The following KLF12 variants were observed in gnomAD, a reference collection of about 807,000 sequenced individuals.
The protein encoded by KLF12 is KLF transcription factor 12, also known as Krueppel-like factor 12.
KLF12 carries 9 observed loss-of-function variants against 37.8 expected under a neutral mutation model. The ratio of observed to expected loss-of-function variants is 0.24; its 90% CI spans 0.14 to 0.42. The LOEUF (loss-of-function observed/expected upper bound fraction) is 0.42, where lower values mean the gene tolerates loss of function less well. KLF12 is among the 10% of genes least tolerant of loss of function. The pLI, the probability that KLF12 is intolerant of heterozygous loss-of-function variation, is 1.00. For synonymous variants in KLF12, 208 were observed against 202.1 expected (o/e 1.03, Z -0.25); for missense variants, 411 against 516.0 (o/e 0.80, Z 1.97).
upstream of KLF12, among the ~76,000 whole-genome samples, chr13:74,136,427 G>A (rs1015781704): frequency 7.9e-5 from 12 of 152,204 alleles, no homozygotes; most frequent in African/African-American, 2.4e-4. Flanking sequence ...CGAGAAACTT[G>A]CCTCTACTAG....
chr13:74,217,556 A>G, the KLF12 span, among the ~76,000 whole-genome samples: 1 of 152,090 alleles, frequency 6.6e-6, no homozygotes, highest in East Asian at 1.9e-4. Flanking sequence ...GTGAAAGCCC[A>G]TCTCTACTAA....
intron 5 of KLF12, chr13:73,800,124 T>C (rs1428510943): frequency 6.6e-6 from 1 of 152,086 alleles, no homozygotes; most frequent in Admixed American, 6.6e-5. Flanking sequence ...GTTTATAGAC[T>C]GAATATAACT....
At chr13:73,807,180 T>C (rs569847005) in intron 5 of KLF12, among the ~76,000 whole-genome samples, 1 of 152,102 alleles carries the variant, frequency 6.6e-6, no homozygotes, top group Admixed American at 6.5e-5. Flanking sequence ...TGGTGGCTTA[T>C]GCTTGTTAAT....
the KLF12 span, among the ~76,000 whole-genome samples, chr13:74,202,138 C>G: frequency 6.6e-6 from 1 of 152,152 alleles, no homozygotes; most frequent in South Asian, 2.1e-4. Context: ...ATCTTAAGAT[C>G]TTAAAGGTCT....
At chr13:73,711,428 T>G (rs926478880) in intron 7 of KLF12, among the ~76,000 whole-genome samples, 1 of 152,230 alleles carries the variant, frequency 6.6e-6, no homozygotes, top group Admixed American at 6.5e-5. Context: ...TGTTAGGGAC[T>G]AATGGAGACA....
chr13:74,154,396 A>G, the KLF12 span, among the ~76,000 whole-genome samples: 1 of 152,222 alleles, frequency 6.6e-6, no homozygotes, highest in Non-Finnish European at 1.5e-5. Context: ...AAATTATAGT[A>G]GCTACATCTT....
Position 73,695,385 on chromosome 13 carries a change from T to C in KLF12, c.*105A>G, listed in dbSNP as rs1374893480. On this transcript the variant is annotated 3_prime_UTR_variant, in exon 8 of 8. Transcript: ENST00000377669. ...TGCTCTGGTTTCAGACATCGTGGGA[T>C]GGTGATGCCCTTTTGTGTTAACACT... 9.3e-7 allele frequency: 1 copy of C among 1,077,500 alleles called. No homozygotes were observed. Among genetic ancestry groups the C allele is most frequent in the Non-Finnish European group, 1.4e-6 (1 of 737,418 alleles). The allele number at this position is 1,077,500 out of a possible 1,614,324, so 66.7% of individuals were successfully genotyped here. A position where few individuals can be genotyped will look rare whatever the true frequency, so the allele number is the denominator to read the frequency against.
chr13:74,256,980 C>G, the KLF12 span: 1 of 152,112 alleles, frequency 6.6e-6, no homozygotes, highest in African/African-American at 2.4e-5. Flanking sequence ...ACCCATGAGG[C>G]ATCCAAAACA....
intron 2 of KLF12, among the ~76,000 whole-genome samples, chr13:73,971,879 T>TAACA (rs973210449): frequency 3.3e-5 from 5 of 152,140 alleles, no homozygotes; most frequent in African/African-American, 1.2e-4. Context: ...TCAAGAAAGC[T>TAACA]AACAGATTTT....
intron 2 of KLF12, among the ~76,000 whole-genome samples, chr13:73,972,004 C>T (rs149129838): frequency 1.2e-3 from 179 of 152,194 alleles, no homozygotes; most frequent in Middle Eastern, 3.4e-3. Context: ...TTGGGTGCTA[C>T]CGAATCATTA....
At chr13:74,276,954 A>G in the KLF12 span, among the ~76,000 whole-genome samples, 1 of 152,190 alleles carries the variant, frequency 6.6e-6, no homozygotes, top group Non-Finnish European at 1.5e-5. Flanking sequence ...ACTTCTGCCC[A>G]TTGATTTAGC....
intron 1 of KLF12, among the ~76,000 whole-genome samples, chr13:74,025,421 A>T (rs1027974108): frequency 6.6e-6 from 1 of 152,292 alleles, no homozygotes; most frequent in East Asian, 1.9e-4. Context: ...TCTGTTGCTA[A>T]TCGACTCATA....
At chr13:73,869,926 T>A (rs1886384120) in intron 3 of KLF12, among the ~76,000 whole-genome samples, 1 of 152,134 alleles carries the variant, frequency 6.6e-6, no homozygotes. Context: ...AGGCTCTGAG[T>A]AGAGCCACGC....
At chr13:74,251,809 C>T in the KLF12 span, among the ~76,000 whole-genome samples, 327 of 152,348 alleles carry the variant, frequency 2.1e-3, 1 homozygote, top group African/African-American at 7.2e-3. Flanking sequence ...AATTAGGGAA[C>T]TTGAAATGTA....
At chr13:74,177,742 G>T in the KLF12 span, among the ~76,000 whole-genome samples, 314 of 152,284 alleles carry the variant, frequency 2.1e-3, 5 homozygotes, top group Non-Finnish European at 1.6e-3. Context: ...ATGGAGAAGA[G>T]AGGCCAGACA....
chr13:73,769,751 T>TCAAATTCAAAAA (rs1270792424), intron 5 of KLF12, among the ~76,000 whole-genome samples: 2 of 152,126 alleles, frequency 1.3e-5, no homozygotes, highest in East Asian at 1.9e-4. Flanking sequence ...TCAAAAATGT[T>TCAAATTCAAAAA]GGAATTATTC....
intron 2 of KLF12, among the ~76,000 whole-genome samples, chr13:73,989,181 T>TA (rs368848610): frequency 4.3e-4 from 66 of 152,128 alleles, no homozygotes; most frequent in African/African-American, 1.3e-3. Context: ...AATAAAAAAA[T>TA]AAAAAATAAA....
At chr13:74,089,461 T>G (rs1267511771) in intron 1 of KLF12, among the ~76,000 whole-genome samples, 1 of 152,150 alleles carries the variant, frequency 6.6e-6, no homozygotes, top group Non-Finnish European at 1.5e-5. Flanking sequence ...ACAGATAACC[T>G]AATTATCTAG....
At chr13:73,805,395 G>A (rs975296316) in intron 5 of KLF12, among the ~76,000 whole-genome samples, 2 of 151,900 alleles carry the variant, frequency 1.3e-5, no homozygotes, top group African/African-American at 4.8e-5. Context: ...CGAGGCAGGG[G>A]GGTCACTTGA....
Sources: allele counts gnomAD v4.1 joint callset (sites outside exome capture counted in the v4.1 genomes callset), GRCh38; gene constraint gnomAD v4.1.1; transcripts MANE v1.5; gene names NCBI Gene and HGNC (gene_info 2026-07-23, HGNC 2026-07-21).